Variants in DPH6 observed in about 807,000 individuals in gnomAD.
The protein encoded by DPH6 is diphthine--ammonia ligase.
Under a neutral mutation model 38.2 loss-of-function variants are expected in DPH6, and 33 were observed. The ratio of observed to expected loss-of-function variants is 0.86; its 90% confidence interval spans 0.65 to 1.15. The LOEUF is 1.15. DPH6 is among the 50% of genes most tolerant of loss of function. The pLI, the probability that DPH6 is intolerant of heterozygous loss-of-function variation, is 0.00. For synonymous variants in DPH6, 108 were observed against 103.0 expected (o/e 1.05, Z -0.30); for missense variants, 325 against 320.0 (o/e 1.02, Z -0.12).
At chr15:35,539,009 T>C (rs1473469762) in intron 2 of DPH6, among the ~76,000 whole-genome samples, 1 of 152,066 alleles carries the variant, frequency 6.6e-6, no homozygotes, top group Non-Finnish European at 1.5e-5. Flanking sequence ...TATTCAATAT[T>C]GTTAGAGCAT....
the DPH6 span, among the ~76,000 whole-genome samples, chr15:35,180,636 ACTTT>A: frequency 6.6e-6 from 1 of 151,816 alleles, no homozygotes; most frequent in Non-Finnish European, 1.5e-5. Flanking sequence ...AAGTTTTTTA[ACTTT>A]CTTTTTTCTT....
intron 3 of DPH6, among the ~76,000 whole-genome samples, chr15:35,486,318 C>T (rs60902283): frequency 0.093 from 14,106 of 151,740 alleles, 900 homozygotes; most frequent in African/African-American, 0.18. Context: ...GATTACAAAT[C>T]AAGGTGAGAT....
intron 3 of DPH6, chr15:35,520,871 C>A (rs1394786744): frequency 1.0e-6 from 1 of 984,920 alleles, no homozygotes; most frequent in African/African-American, 1.7e-5. Context: ...AATAAAGGAA[C>A]CCAAATTCCC....
chr15:35,500,578 A>T (rs1228454681), intron 3 of DPH6, among the ~76,000 whole-genome samples: 1 of 152,190 alleles, frequency 6.6e-6, no homozygotes, highest in African/African-American at 2.4e-5. Context: ...ACTTGTTGAC[A>T]TGAAAGCTAA....
chr15:35,478,668 A>C (rs1422305170), intron 3 of DPH6, among the ~76,000 whole-genome samples: 1 of 151,926 alleles, frequency 6.6e-6, no homozygotes, highest in Non-Finnish European at 1.5e-5. Context: ...GGTGGTCTAA[A>C]ACTATAACAA....
At chr15:35,415,204 C>T (rs1566901501) in intron 5 of DPH6, among the ~76,000 whole-genome samples, 1 of 151,938 alleles carries the variant, frequency 6.6e-6, no homozygotes, top group Non-Finnish European at 1.5e-5. Context: ...CATGAATATA[C>T]AAGGTCAGCA....
chr15:35,324,388 A>T (rs901369564), intron 3 of DPH6, among the ~76,000 whole-genome samples: 1 of 152,170 alleles, frequency 6.6e-6, no homozygotes, highest in African/African-American at 2.4e-5. Flanking sequence ...TATTTTTCTT[A>T]AACTCAACAA....
At chr15:35,352,284 AT>A (rs1027102667) in intron 3 of DPH6, among the ~76,000 whole-genome samples, 4 of 151,756 alleles carry the variant, frequency 2.6e-5, no homozygotes, top group East Asian at 1.9e-4. Context: ...AACTCCTTCA[AT>A]TTTTTTTATT....
chr15:35,185,724 C>CTTTT, the DPH6 span, among the ~76,000 whole-genome samples: 52 of 82,998 alleles, frequency 6.3e-4, no homozygotes, highest in African/African-American at 7.4e-4. Context: ...CCAATCCACT[C>CTTTT]TTTTTTTTTT....
chr15:35,222,852 ACAAGGAAT>A (rs935037214), intron 3 of DPH6, among the ~76,000 whole-genome samples: 19 of 152,158 alleles, frequency 1.2e-4, no homozygotes, highest in African/African-American at 3.6e-4. Flanking sequence ...CTTGAGGCCC[ACAAGGAAT>A]TTCCTTGTGG....
At chr15:35,534,619 A>C (rs1351293117) in intron 3 of DPH6, among the ~76,000 whole-genome samples, 1 of 152,166 alleles carries the variant, frequency 6.6e-6, no homozygotes, top group Non-Finnish European at 1.5e-5. Context: ...CACAGAACAT[A>C]CAACAAAAAG....
intron 3 of DPH6, among the ~76,000 whole-genome samples, chr15:35,504,490 T>TA (rs753173129): frequency 1.6e-3 from 226 of 143,106 alleles, no homozygotes; most frequent in Middle Eastern, 0.014. Flanking sequence ...AACATTTGTT[T>TA]AAAAAAAAAA....
the DPH6 span, among the ~76,000 whole-genome samples, chr15:35,171,158 C>T: frequency 6.6e-6 from 1 of 152,298 alleles, no homozygotes; most frequent in African/African-American, 2.4e-5. Context: ...CTTCACATTC[C>T]ATTTGAAAAC....
the DPH6 span, among the ~76,000 whole-genome samples, chr15:35,211,133 TAAA>T: frequency 6.6e-6 from 1 of 151,984 alleles, no homozygotes; most frequent in Non-Finnish European, 1.5e-5. Flanking sequence ...AATTCTGTGA[TAAA>T]ACCCTGTTTT....
intron 6 of DPH6, among the ~76,000 whole-genome samples, chr15:35,404,535 GTCCAT>G (rs1350751051): frequency 6.6e-6 from 1 of 152,134 alleles, no homozygotes; most frequent in Non-Finnish European, 1.5e-5. Context: ...TTTGAGAACT[GTCCAT>G]TCAATTCTTT....
At chr15:35,361,963 T>G (rs1216601966) in intron 3 of DPH6, among the ~76,000 whole-genome samples, 1 of 151,902 alleles carries the variant, frequency 6.6e-6, no homozygotes, top group Non-Finnish European at 1.5e-5. Flanking sequence ...TTTCTGAAGA[T>G]CTATTTTGGG....
exon 4 of DPH6, chr15:35,219,023 T>C (rs941196865): frequency 6.6e-6 from 1 of 152,220 alleles, no homozygotes; most frequent in East Asian, 1.9e-4. Flanking sequence ...AGAAAGATGA[T>C]ACTATTGTCT....
chr15:35,263,736 G>A (rs767575861), intron 3 of DPH6, among the ~76,000 whole-genome samples: 42 of 151,290 alleles, frequency 2.8e-4, no homozygotes, highest in Non-Finnish European at 5.9e-4. Flanking sequence ...TTTTGAGACA[G>A]AGTCTCGCTC....
the DPH6 span, among the ~76,000 whole-genome samples, chr15:35,194,368 C>CCAGAGA: frequency 7.5e-6 from 1 of 133,306 alleles, no homozygotes; most frequent in Non-Finnish European, 1.6e-5. Context: ...CTTCCTTTTT[C>CCAGAGA]CAGAGAGAGA....
Sources: gnomAD v4.1 joint callset for allele counts (sites outside exome capture counted in the v4.1 genomes callset) on GRCh38, gnomAD v4.1.1 for gene constraint, MANE v1.5 for transcripts, NCBI Gene and HGNC (gene_info 2026-07-23, HGNC 2026-07-21) for gene names.